GLMN: variants seen among roughly 807,000 people sequenced by gnomAD.
The protein encoded by GLMN is glomulin.
In GLMN, 75 loss-of-function variants were observed where a neutral mutation model predicts 87.8. That is an observed-to-expected ratio of 0.85 (90% CI 0.71 to 1.04). The LOEUF (loss-of-function observed/expected upper bound fraction) is 1.04, where lower values mean the gene tolerates loss of function less well. GLMN is among the 50% of genes least tolerant of loss of function. The pLI, the probability that GLMN is intolerant of heterozygous loss-of-function variation, is 0.00. For synonymous variants in GLMN, 206 were observed against 221.6 expected (o/e 0.93, Z 0.63); for missense variants, 588 against 658.8 (o/e 0.89, Z 1.18).
Position 92,288,869 on chromosome 1 carries a change from C to T in GLMN, c.632+45G>A, listed in dbSNP as rs141835540. On this transcript the variant is annotated intron_variant, in intron 6 of 18. Transcript: ENST00000370360. Reference sequence around the variant, plus strand: ...AAGAAACATAAAATAACTGAACTATCAATTACTTAAGTCCACTGTGAGATG... The same window carrying T: ...AAGAAACATAAAATAACTGAACTATTAATTACTTAAGTCCACTGTGAGATG... The T allele has an allele frequency of 5.6e-4, 509 of 911,778 alleles. 2 individuals are homozygous for T. The Middle Eastern group carries it at 6.2e-3, about 11-fold the overall frequency. 56.5% of individuals were successfully genotyped at this position (911,778 alleles called of 1,614,324 possible). A position where few individuals can be genotyped will look rare whatever the true frequency, so the allele number is the denominator to read the frequency against.
chr1:92,298,344 A>G (rs772652694), intron 1 of GLMN, among the ~76,000 whole-genome samples: 5 of 152,174 alleles, frequency 3.3e-5, no homozygotes, highest in Non-Finnish European at 7.3e-5. Context: ...AAACCTCTCG[A>G]GCACTCCCAA....
chr1:92,290,342 A>G (rs1649265084), intron 4 of GLMN, 36 bp from the exon 5 acceptor site: 1 of 1,209,374 alleles, frequency 8.3e-7, no homozygotes, highest in Admixed American at 1.7e-5. Flanking sequence ...TGTTTAATAC[A>G]AGTTGTATTT....
the GLMN span, among the ~76,000 whole-genome samples, chr1:92,369,776 G>A: frequency 6.6e-6 from 1 of 152,198 alleles, no homozygotes. Flanking sequence ...GAAAAGAGGA[G>A]CCTGGGGAGT....
At chr1:92,256,803 GA>G (rs1654332064) in intron 16 of GLMN, among the ~76,000 whole-genome samples, 1 of 152,120 alleles carries the variant, frequency 6.6e-6, no homozygotes, top group Non-Finnish European at 1.5e-5. Context: ...ATATCATACT[GA>G]ATGGGCAAAA....
chr1:92,301,193 CAG>C (rs577574089), upstream of GLMN, among the ~76,000 whole-genome samples: 424 of 152,240 alleles, frequency 2.8e-3, 5 homozygotes, highest in Middle Eastern at 3.4e-3. Flanking sequence ...CATTAGAAAA[CAG>C]AAATTTGGCC....
the GLMN span, among the ~76,000 whole-genome samples, chr1:92,348,061 C>A: frequency 6.6e-6 from 1 of 152,104 alleles, no homozygotes; most frequent in Non-Finnish European, 1.5e-5. Context: ...AGGCACCTGC[C>A]ACCATGCCCA....
At chr1:92,309,172 G>T in the GLMN span, among the ~76,000 whole-genome samples, 1 of 152,122 alleles carries the variant, frequency 6.6e-6, no homozygotes, top group Non-Finnish European at 1.5e-5. Flanking sequence ...TGCCGGGCGT[G>T]GTGGCTTACA....
At chr1:92,266,567 CATG>C in intron 12 of GLMN, 75 bp from the exon 13 acceptor site, 3 of 1,000,318 alleles carry the variant, frequency 3.0e-6, no homozygotes, top group Non-Finnish European at 4.7e-6. Flanking sequence ...CCATTTTATG[CATG>C]TAATACATCC....
At chr1:92,319,068 TGTAGA>T in the GLMN span, among the ~76,000 whole-genome samples, 7 of 152,168 alleles carry the variant, frequency 4.6e-5, no homozygotes, top group African/African-American at 1.4e-4. Flanking sequence ...GGGAGAGGTT[TGTAGA>T]GTAAATACCC....
At chr1:92,260,081 G>A (rs923994420) in intron 16 of GLMN, among the ~76,000 whole-genome samples, 26 of 152,000 alleles carry the variant, frequency 1.7e-4, no homozygotes, top group Admixed American at 1.4e-3. Flanking sequence ...CTCAGGAAGT[G>A]TCATTTTTTA....
At chr1:92,269,441 T>C (rs774148163) in intron 9 of GLMN, among the ~76,000 whole-genome samples, 10 of 152,110 alleles carry the variant, frequency 6.6e-5, no homozygotes, top group Non-Finnish European at 1.5e-4. Flanking sequence ...TGTTTTAATT[T>C]ACCAACTTTT....
chr1:92,266,775 A>T (rs1440072231), intron 11 of GLMN, 34 bp from the exon 12 acceptor site: 1 of 1,390,454 alleles, frequency 7.2e-7, no homozygotes, highest in South Asian at 1.2e-5. Context: ...TCAGATGTAA[A>T]CAGATTATAC....
In GLMN at chr1:92,298,023, C is replaced by T. The variant is rs377329010; in HGVS notation, c.-24G>A. On this transcript the variant is annotated 5_prime_UTR_variant, in exon 2 of 19. Transcript: ENST00000370360. ...ATTCTTATTTCTCCTAGTTTCGATG[C>T]TAAAATCTACAAATACAAAACACAC... 8.3e-5 allele frequency: 116 copies of T among 1,397,160 alleles called. No homozygotes were observed. Among genetic ancestry groups the T allele is most frequent in the Admixed American group, 1.8e-4 (11 of 59,594 alleles). 86.5% of individuals were successfully genotyped at this position (1,397,160 alleles called of 1,614,324 possible). A position where few individuals can be genotyped will look rare whatever the true frequency, so the allele number is the denominator to read the frequency against.
chr1:92,291,336 C>A, intron 4 of GLMN, 82 bp downstream of exon 4: 1 of 1,277,624 alleles, frequency 7.8e-7, no homozygotes, highest in East Asian at 2.3e-5. Flanking sequence ...CAAAAGCTTT[C>A]TTACCAAACA....
chr1:92,263,436 A>T (rs1655260135), intron 15 of GLMN, among the ~76,000 whole-genome samples, 187 bp downstream of exon 15: 1 of 152,218 alleles, frequency 6.6e-6, no homozygotes, highest in Non-Finnish European at 1.5e-5. Flanking sequence ...TAGAAAGAGG[A>T]GGTTTTAATT....
chr1:92,334,920 G>A, the GLMN span, among the ~76,000 whole-genome samples: 4 of 152,082 alleles, frequency 2.6e-5, no homozygotes, highest in Non-Finnish European at 4.4e-5. Context: ...CCCAGGAGGC[G>A]GAGCTTGCAG....
At chr1:92,366,481 T>G in the GLMN span, among the ~76,000 whole-genome samples, 1 of 152,144 alleles carries the variant, frequency 6.6e-6, no homozygotes, top group Admixed American at 6.6e-5. Context: ...AAACAAAAAC[T>G]CTTCAACAGG....
the GLMN span, among the ~76,000 whole-genome samples, chr1:92,322,856 A>C: frequency 9.7e-4 from 1 of 1,028 alleles, no homozygotes; most frequent in African/African-American, 1.1e-3. Context: ...CAGCCTGGGC[A>C]ACACAGACTT....
At chr1:92,338,125 A>C in the GLMN span, among the ~76,000 whole-genome samples, 2 of 152,166 alleles carry the variant, frequency 1.3e-5, no homozygotes, top group African/African-American at 4.8e-5. Flanking sequence ...TGGCTGATAA[A>C]ACAAGCACAT....
Sources: allele counts gnomAD v4.1 joint callset (sites outside exome capture counted in the v4.1 genomes callset), GRCh38; gene constraint gnomAD v4.1.1; transcripts MANE v1.5; gene names NCBI Gene and HGNC (gene_info 2026-07-23, HGNC 2026-07-21).